The following STPG2 variants were observed in gnomAD, a reference collection of about 807,000 sequenced individuals.
The protein encoded by STPG2 is sperm tail PG-rich repeat containing 2.
In STPG2, 56 loss-of-function variants were observed where a neutral mutation model predicts 54.2. That is an observed-to-expected ratio of 1.03 (90% CI 0.83 to 1.29). The LOEUF (loss-of-function observed/expected upper bound fraction) is 1.29, where lower values mean the gene tolerates loss of function less well. Among genes scored for constraint, STPG2 ranks in the 50% most tolerant of loss-of-function variants. The probability of loss-of-function intolerance (pLI) is 0.00; values close to 1 mark genes in which losing one functional copy is unlikely to be tolerated. For synonymous variants in STPG2, 200 were observed against 181.8 expected, an observed-to-expected ratio of 1.10 and a Z score of -0.81; for missense variants, 596 against 544.9, an observed-to-expected ratio of 1.09 and a Z score of -0.93.
chr4:97,996,345 T>C (rs1353917419), intron 5 of STPG2, among the ~76,000 whole-genome samples: 1 of 152,156 alleles, frequency 6.6e-6, no homozygotes, highest in Non-Finnish European at 1.5e-5. Flanking sequence ...AAACAAGCAA[T>C]GGTGAAAGAA....
chr4:97,867,466 T>C, intron 8 of STPG2, among the ~76,000 whole-genome samples: 1 of 152,050 alleles, frequency 6.6e-6, no homozygotes, highest in East Asian at 1.9e-4. Context: ...CATTTTTTTC[T>C]CCTAATGTCT....
chr4:97,914,915 A>T (rs920342378), intron 8 of STPG2, among the ~76,000 whole-genome samples: 8 of 152,156 alleles, frequency 5.3e-5, no homozygotes, highest in Admixed American at 4.6e-4. Flanking sequence ...ATCATATAGT[A>T]TTTGTCCTTT....
At chr4:97,454,445 A>G (rs999552568) in intron 4 of STPG2, among the ~76,000 whole-genome samples, 8 of 143,522 alleles carry the variant, frequency 5.6e-5, no homozygotes, top group South Asian at 2.3e-4. Context: ...CCCGGGAAGC[A>G]GAGCTTGCAG....
intron 9 of STPG2, among the ~76,000 whole-genome samples, chr4:97,717,447 C>G (rs765462545): frequency 4.6e-5 from 7 of 152,130 alleles, no homozygotes; most frequent in Non-Finnish European, 5.9e-5. Flanking sequence ...AAAGCATGCA[C>G]CTGTTAAAAC....
intron 4 of STPG2, among the ~76,000 whole-genome samples, chr4:97,506,241 G>A (rs1578349889): frequency 6.6e-6 from 1 of 151,894 alleles, no homozygotes; most frequent in East Asian, 1.9e-4. Flanking sequence ...GTTATCTAGA[G>A]ACTCTACAAT....
intron 8 of STPG2, among the ~76,000 whole-genome samples, chr4:97,864,301 A>G (rs1450887561): frequency 2.2e-5 from 2 of 89,910 alleles, no homozygotes; most frequent in Non-Finnish European, 4.2e-5. Flanking sequence ...TTAGACACCA[A>G]TAACAGACAG....
chr4:97,527,355 A>T (rs1731304091), intron 4 of STPG2, among the ~76,000 whole-genome samples: 1 of 152,184 alleles, frequency 6.6e-6, no homozygotes, highest in Non-Finnish European at 1.5e-5. Flanking sequence ...CCTGCATAGT[A>T]TTCCATGGTG....
chr4:97,634,514 A>T (rs999980451), intron 10 of STPG2, among the ~76,000 whole-genome samples: 15 of 152,166 alleles, frequency 9.9e-5, no homozygotes, highest in African/African-American at 3.6e-4. Flanking sequence ...AGCTGAGAGA[A>T]GAAGGCTTCA....
intron 10 of STPG2, among the ~76,000 whole-genome samples, chr4:97,603,111 T>C (rs181830266): frequency 6.6e-6 from 1 of 151,354 alleles, no homozygotes; most frequent in African/African-American, 2.4e-5. Flanking sequence ...CTTTTAAAAC[T>C]CAACTACAAA....
At chr4:97,929,272 G>A (rs1027501168) in intron 8 of STPG2, among the ~76,000 whole-genome samples, 6 of 152,100 alleles carry the variant, frequency 3.9e-5, no homozygotes, top group Admixed American at 2.0e-4. Context: ...TCTCCAATCT[G>A]TCATTGATGA....
intron 8 of STPG2, among the ~76,000 whole-genome samples, chr4:97,906,768 C>T (rs1398528567): frequency 6.6e-6 from 1 of 152,094 alleles, no homozygotes; most frequent in Non-Finnish European, 1.5e-5. Context: ...ACAAAAACCA[C>T]ATGATTATCT....
At chr4:97,931,628 T>A (rs981063769) in intron 8 of STPG2, among the ~76,000 whole-genome samples, 7 of 151,654 alleles carry the variant, frequency 4.6e-5, no homozygotes, top group African/African-American at 9.7e-5. Flanking sequence ...AATAAAGATG[T>A]TGGCTTGAAG....
At chr4:98,045,102 G>GA (rs35130632) in intron 5 of STPG2, among the ~76,000 whole-genome samples, 1,735 of 144,304 alleles carry the variant, frequency 0.012, 25 homozygotes, top group African/African-American at 0.041. Flanking sequence ...ACTTTAAAAG[G>GA]AAAAAAAAAA....
chr4:97,567,486 T>A (rs889758130), intron 10 of STPG2, among the ~76,000 whole-genome samples: 6 of 150,554 alleles, frequency 4.0e-5, no homozygotes, highest in African/African-American at 1.5e-4. Flanking sequence ...CTCCCCATAA[T>A]CTGACTTTCA....
intron 9 of STPG2, among the ~76,000 whole-genome samples, chr4:97,769,437 A>T (rs1486307079): frequency 6.6e-6 from 1 of 152,196 alleles, no homozygotes; most frequent in Admixed American, 6.5e-5. Context: ...ACAAAAGGGC[A>T]ATAAACACAT....
At chr4:97,659,817 A>G (rs1722322886) in intron 10 of STPG2, among the ~76,000 whole-genome samples, 1 of 152,200 alleles carries the variant, frequency 6.6e-6, no homozygotes, top group South Asian at 2.1e-4. Flanking sequence ...GACCTGGTGG[A>G]CACATATTTT....
intron 5 of STPG2, among the ~76,000 whole-genome samples, chr4:98,060,459 G>A (rs559388054): frequency 1.3e-5 from 2 of 152,146 alleles, no homozygotes; most frequent in Admixed American, 1.3e-4. Context: ...CACGGATATG[G>A]AGAATCAATA....
intron 5 of STPG2, among the ~76,000 whole-genome samples, chr4:98,030,694 A>G (rs1736567607): frequency 2.0e-5 from 3 of 152,246 alleles, no homozygotes; most frequent in Middle Eastern, 3.4e-3. Context: ...AGTCACATAG[A>G]CCAACAGATC....
Position 97,616,036 on chromosome 4 carries a change from C to CAAAA in STPG2, c.1321-56923_1321-56920dup, listed in dbSNP as rs58107338. Among the ~76,000 whole-genome samples, 4 of 69,504 alleles carry CAAAA rather than the reference C, an allele frequency of 5.8e-5. 1 individual carries two copies. Among genetic ancestry groups the CAAAA allele is most frequent in the South Asian group, 5.6e-4 (1 of 1,794 alleles). 45.6% of individuals were successfully genotyped at this position (69,504 alleles called of 152,430 possible). On this transcript the variant is annotated intron_variant, in intron 10 of 10. Coordinates refer to ENST00000295268, the MANE Select transcript of STPG2 (RefSeq NM_174952.3). Reference sequence around the variant, plus strand: ...TGGGTGACAGAGCAAGACTCTGTCTCAAAAAAAAAAAATACATATAAATAT... The same window carrying CAAAA: ...TGGGTGACAGAGCAAGACTCTGTCTCAAAAAAAAAAAAAAAATACATATAAATAT...
Sources: gnomAD v4.1 joint callset for allele counts (sites outside exome capture counted in the v4.1 genomes callset) on GRCh38, gnomAD v4.1.1 for gene constraint, MANE v1.5 for transcripts, NCBI Gene and HGNC (gene_info 2026-07-23, HGNC 2026-07-21) for gene names.